PALM2AKAP2: variants seen among roughly 807,000 people sequenced by gnomAD.
PALM2AKAP2 encodes the protein PALM2-AKAP2 fusion protein.
In PALM2AKAP2, 37 loss-of-function variants were observed where a neutral mutation model predicts 71.5. That is an observed-to-expected ratio of 0.52 (90% confidence interval 0.40 to 0.68). PALM2AKAP2 has a LOEUF of 0.68. Ranked by LOEUF, PALM2AKAP2 falls within the 30% of genes least tolerant of loss-of-function variation. The probability of loss-of-function intolerance (pLI) is 0.00; values close to 1 mark genes in which losing one functional copy is unlikely to be tolerated. For missense variants in PALM2AKAP2, 1,224 were observed against 1,191.8 expected (o/e 1.03, Z -0.40); for synonymous variants, 468 against 478.8 (o/e 0.98, Z 0.29).
chr9:109,914,495 T>C (rs964345765), intron 3 of PALM2AKAP2, among the ~76,000 whole-genome samples: 3 of 152,228 alleles, frequency 2.0e-5, no homozygotes, highest in African/African-American at 7.2e-5. Flanking sequence ...TTTCCACTTT[T>C]ACTTGTGCTG....
intron 1 of PALM2AKAP2, among the ~76,000 whole-genome samples, chr9:109,847,329 G>A (rs1284222404): frequency 2.0e-5 from 3 of 152,206 alleles, no homozygotes; most frequent in Admixed American, 6.5e-5. Context: ...AATGCCAGCA[G>A]CTGCCAGAAG....
intron 6 of PALM2AKAP2, among the ~76,000 whole-genome samples, chr9:109,940,743 G>A (rs562657271): frequency 1.3e-5 from 2 of 152,294 alleles, no homozygotes; most frequent in African/African-American, 4.8e-5. Flanking sequence ...CCTGGGAATA[G>A]TGAGAAGTCG....
chr9:109,740,547 C>T (rs775598679), intron 1 of PALM2AKAP2, among the ~76,000 whole-genome samples: 1 of 152,270 alleles, frequency 6.6e-6, no homozygotes, highest in Non-Finnish European at 1.5e-5. Flanking sequence ...GTCCAAGAAA[C>T]AGCTAAAAAA....
At chr9:110,085,588 A>G (rs371734808) in intron 1 of PALM2AKAP2, among the ~76,000 whole-genome samples, 3 of 152,364 alleles carry the variant, frequency 2.0e-5, no homozygotes, top group South Asian at 2.1e-4. Context: ...CAGAGGAAAA[A>G]ACCTCAGAAA....
At chr9:109,797,205 C>T (rs1342249876) in intron 1 of PALM2AKAP2, among the ~76,000 whole-genome samples, 1 of 152,174 alleles carries the variant, frequency 6.6e-6, no homozygotes, top group Non-Finnish European at 1.5e-5. Context: ...GTCCTTTGGC[C>T]GCTATCTAAG....
chr9:109,849,716 A>G (rs1429364980), intron 1 of PALM2AKAP2, among the ~76,000 whole-genome samples: 1 of 152,190 alleles, frequency 6.6e-6, no homozygotes, highest in African/African-American at 2.4e-5. Flanking sequence ...AGATTGTGCC[A>G]TTGCACTCCA....
chr9:109,883,761 C>T (rs995812625), intron 3 of PALM2AKAP2, among the ~76,000 whole-genome samples: 1 of 152,230 alleles, frequency 6.6e-6, no homozygotes, highest in Non-Finnish European at 1.5e-5. Context: ...TACGGTGTTA[C>T]AAAGTCCCTG....
intron 1 of PALM2AKAP2, among the ~76,000 whole-genome samples, chr9:109,849,766 A>G (rs1828959438): frequency 6.6e-6 from 1 of 152,196 alleles, no homozygotes. Flanking sequence ...CAAAAAACAA[A>G]AAACAAAAAG....
At chr9:109,891,276 T>C (rs1587988651) in intron 3 of PALM2AKAP2, among the ~76,000 whole-genome samples, 1 of 152,192 alleles carries the variant, frequency 6.6e-6, no homozygotes, top group Non-Finnish European at 1.5e-5. Flanking sequence ...CTCCCTTTGT[T>C]CCCTTGGCTA....
intron 1 of PALM2AKAP2, among the ~76,000 whole-genome samples, chr9:109,702,808 A>T (rs1255807264): frequency 1.3e-5 from 2 of 149,632 alleles, no homozygotes; most frequent in Non-Finnish European, 3.0e-5. Flanking sequence ...TTTGTTTTTT[A>T]CTTTTTCTTT....
intron 1 of PALM2AKAP2, among the ~76,000 whole-genome samples, chr9:110,116,348 A>G (rs1835359767): frequency 6.6e-6 from 1 of 152,154 alleles, no homozygotes. Context: ...CTCAAATTTA[A>G]TGAGCCCGTG....
At chr9:109,800,787 C>G (rs1352724341) in intron 1 of PALM2AKAP2, among the ~76,000 whole-genome samples, 2 of 152,196 alleles carry the variant, frequency 1.3e-5, no homozygotes, top group African/African-American at 4.8e-5. Flanking sequence ...ATTGATTAAA[C>G]AATTGTAAGA....
intron 2 of PALM2AKAP2, among the ~76,000 whole-genome samples, chr9:110,154,841 A>G (rs1186286643): frequency 6.6e-6 from 1 of 152,218 alleles, no homozygotes; most frequent in East Asian, 1.9e-4. Context: ...GTATCCTGCC[A>G]AACATATTTG....
At chr9:109,849,977 A>G (rs1828966207) in intron 1 of PALM2AKAP2, among the ~76,000 whole-genome samples, 1 of 152,138 alleles carries the variant, frequency 6.6e-6, no homozygotes, top group African/African-American at 2.4e-5. Context: ...AGATCGTGGA[A>G]AGTTCCCAGG....
intron 1 of PALM2AKAP2, among the ~76,000 whole-genome samples, chr9:109,822,052 T>C (rs563845811): frequency 6.6e-5 from 10 of 152,358 alleles, no homozygotes; most frequent in Middle Eastern, 3.4e-3. Flanking sequence ...TATCATTGCA[T>C]GTTACATGAG....
At chr9:109,882,228 A>T (rs2131769749) in intron 3 of PALM2AKAP2, among the ~76,000 whole-genome samples, 1 of 152,286 alleles carries the variant, frequency 6.6e-6, no homozygotes, top group South Asian at 2.1e-4. Flanking sequence ...GCTACCAGCC[A>T]TTTATAACCA....
chr9:110,149,292 G>A (rs1439701203), intron 2 of PALM2AKAP2, among the ~76,000 whole-genome samples: 1 of 152,224 alleles, frequency 6.6e-6, no homozygotes, highest in Non-Finnish European at 1.5e-5. Context: ...CCATTGCAGA[G>A]ATGAACAGTT....
At chr9:109,707,510 C>A (rs559146361) in intron 1 of PALM2AKAP2, among the ~76,000 whole-genome samples, 1 of 152,132 alleles carries the variant, frequency 6.6e-6, no homozygotes, top group South Asian at 2.1e-4. Flanking sequence ...GGACAGCGTC[C>A]GTGTCCAGTG....
intron 1 of PALM2AKAP2, among the ~76,000 whole-genome samples, chr9:109,685,014 A>G (rs1168601946): frequency 6.6e-6 from 1 of 152,224 alleles, no homozygotes; most frequent in Non-Finnish European, 1.5e-5. Flanking sequence ...AATGAATCTT[A>G]AAGGATTATA....
Sources: allele counts gnomAD v4.1 joint callset (sites outside exome capture counted in the v4.1 genomes callset), GRCh38; gene constraint gnomAD v4.1.1; transcripts MANE v1.5; gene names NCBI Gene and HGNC (gene_info 2026-07-23, HGNC 2026-07-21).